Variants in ALK observed in about 807,000 individuals in gnomAD.
The protein encoded by ALK is ALK tyrosine kinase receptor.
A neutral mutation model predicts 163.1 loss-of-function variants in ALK; 74 were observed. The observed-to-expected ratio is 0.45, with a 90% confidence interval of 0.38 to 0.55. The LOEUF is 0.55. ALK is among the 20% of genes least tolerant of loss of function. ALK has a pLI of 0.00. For missense variants in ALK, 2,063 were observed against 2,105.3 expected (o/e 0.98, Z 0.39); for synonymous variants, 960 against 843.2 (o/e 1.14, Z -2.40).
chr2:29,635,278 TGC>T (rs1230676356), intron 3 of ALK, among the ~76,000 whole-genome samples: 2 of 152,204 alleles, frequency 1.3e-5, no homozygotes, highest in Non-Finnish European at 2.9e-5. Flanking sequence ...AACTAAATAT[TGC>T]CTTATAAGGA....
chr2:29,736,628 T>C (rs1679899541), intron 1 of ALK, among the ~76,000 whole-genome samples: 1 of 152,078 alleles, frequency 6.6e-6, no homozygotes, highest in African/African-American at 2.4e-5. Context: ...CACTCTTGAA[T>C]TTCTACTCCC....
intron 1 of ALK, among the ~76,000 whole-genome samples, chr2:29,748,460 A>C (rs967238936): frequency 2.0e-5 from 3 of 152,216 alleles, no homozygotes; most frequent in African/African-American, 7.2e-5. Context: ...GTTCTGATTA[A>C]GTGTCTGGGG....
At chr2:29,717,251 C>T (rs1679288647) in intron 2 of ALK, among the ~76,000 whole-genome samples, 1 of 150,828 alleles carries the variant, frequency 6.6e-6, no homozygotes, top group Admixed American at 6.6e-5. Flanking sequence ...AAGCAAGCTA[C>T]AGTCAAGAAG....
chr2:29,705,988 C>G (rs1440885912), intron 2 of ALK, among the ~76,000 whole-genome samples: 1 of 152,188 alleles, frequency 6.6e-6, no homozygotes, highest in Non-Finnish European at 1.5e-5. Context: ...GTGCTCCTCT[C>G]TCAATATTTC....
chr2:29,276,040 T>C (rs1046760997), intron 9 of ALK, among the ~76,000 whole-genome samples: 13 of 152,182 alleles, frequency 8.5e-5, no homozygotes, highest in Admixed American at 2.0e-4. Context: ...GTTCCACCAG[T>C]TCCCCTTGCT....
chr2:29,363,874 T>C (rs1245413019), intron 5 of ALK, among the ~76,000 whole-genome samples: 2 of 152,118 alleles, frequency 1.3e-5, no homozygotes, highest in Admixed American at 6.5e-5. Flanking sequence ...GAATATATAA[T>C]AATACTATAG....
intron 4 of ALK, among the ~76,000 whole-genome samples, chr2:29,451,508 G>T (rs1670819913): frequency 6.6e-6 from 1 of 151,746 alleles, no homozygotes; most frequent in Non-Finnish European, 1.5e-5. Context: ...TACACTACTT[G>T]CTATCCTCAT....
Position 29,531,899 on chromosome 2 carries a change from AT to A in ALK, c.1154+15del, listed in dbSNP as rs764924128. On this transcript the variant is annotated intron_variant, in intron 4 of 28. Transcript: ENST00000389048. ...ACCTGGTATAAAATCAATTTTGGAC[AT>A]GGAGAAGTACTTACCCATGCTTCCC... The A allele has an allele frequency of 5.6e-6, 9 of 1,613,818 alleles. No individual in the cohort carries two copies. The highest frequency in any genetic ancestry group is 1.6e-4 in the Middle Eastern group (1 of 6,080).
chr2:29,352,850 G>C (rs6727537), intron 5 of ALK, among the ~76,000 whole-genome samples: 1 of 152,176 alleles, frequency 6.6e-6, no homozygotes, highest in African/African-American at 2.4e-5. Context: ...AATTATGACA[G>C]TGAAAGAGAT....
At chr2:29,419,975 A>C (rs1341041000) in intron 4 of ALK, among the ~76,000 whole-genome samples, 1 of 151,218 alleles carries the variant, frequency 6.6e-6, no homozygotes, top group East Asian at 1.9e-4. Context: ...CCTGGGCAAC[A>C]TGGCAAAACC....
In ALK at chr2:29,250,081, G is replaced by A. The variant is rs10205294; in HGVS notation, c.2204+1024C>T. Among the ~76,000 whole-genome samples, 1,203 of 152,306 alleles carry A rather than the reference G, an allele frequency of 7.9e-3. 16 individuals carry two copies. Among genetic ancestry groups the A allele is most frequent in the African/African-American group, 0.026 (1,083 of 41,566 alleles). On this transcript the variant is annotated intron_variant, in intron 12 of 28. Transcript: ENST00000389048. ...GAGGCCCAGGATGTTGTGGATCCCGGAGGCTGCGGGGAGAGGAGGCGAGCT... is the reference window on the plus strand; with the variant it reads ...GAGGCCCAGGATGTTGTGGATCCCGAAGGCTGCGGGGAGAGGAGGCGAGCT...
At chr2:29,206,795 G>GTGTGTATGTA (rs1452060894) in intron 26 of ALK, among the ~76,000 whole-genome samples, 2 of 147,360 alleles carry the variant, frequency 1.4e-5, no homozygotes, top group Non-Finnish European at 2.9e-5. Context: ...GTGTGTGTGT[G>GTGTGTATGTA]TGTGTATGTA....
intron 3 of ALK, among the ~76,000 whole-genome samples, chr2:29,535,380 G>A (rs1308048347): frequency 6.6e-6 from 1 of 152,208 alleles, no homozygotes; most frequent in Non-Finnish European, 1.5e-5. Flanking sequence ...TCAACCAGCA[G>A]GGCTCACATT....
In ALK at chr2:29,556,733, T is replaced by C. The variant is rs112985434; in HGVS notation, c.953-24617A>G. On this transcript the variant is annotated intron_variant, in intron 3 of 28. Coordinates refer to ENST00000389048, the MANE Select transcript of ALK (RefSeq NM_004304.5). ...AAGTGACATTTAGCTTAGGGTTTTC[T>C]GATCAATATTCTACCTGCACAGGTA... Among the ~76,000 whole-genome samples, 405 of 152,330 alleles carry C rather than the reference T, an allele frequency of 2.7e-3. 5 individuals carry two copies. In the East Asian group the frequency reaches 0.03, roughly 11 times the overall value.
chr2:29,708,443 T>G (rs911308073), intron 2 of ALK, among the ~76,000 whole-genome samples: 1 of 152,160 alleles, frequency 6.6e-6, no homozygotes, highest in Non-Finnish European at 1.5e-5. Flanking sequence ...TCTAGTCCAG[T>G]GAATACCCTC....
At chr2:29,339,457 G>A (rs1377679516) in intron 5 of ALK, among the ~76,000 whole-genome samples, 1 of 152,170 alleles carries the variant, frequency 6.6e-6, no homozygotes, top group East Asian at 1.9e-4. Context: ...GGGTGGCTGC[G>A]GAGGGAGGCC....
chr2:29,783,196 C>A (rs778236321), intron 1 of ALK, among the ~76,000 whole-genome samples: 2 of 152,196 alleles, frequency 1.3e-5, no homozygotes, highest in Admixed American at 6.5e-5. Context: ...GTTCTTCCCC[C>A]CTTTGTGATG....
At chr2:29,574,065 T>TAA (rs5830124) in intron 3 of ALK, among the ~76,000 whole-genome samples, 3,038 of 149,760 alleles carry the variant, frequency 0.02, 62 homozygotes, top group South Asian at 0.062. Flanking sequence ...CTGAAAAAAA[T>TAA]AAAAAAAAAA....
At chr2:29,384,166 C>A (rs1362506577) in intron 4 of ALK, among the ~76,000 whole-genome samples, 3 of 152,150 alleles carry the variant, frequency 2.0e-5, no homozygotes, top group Non-Finnish European at 2.9e-5. Context: ...TAGCTAGTAT[C>A]ACAAGAAAGA....
Sources: gnomAD v4.1 joint callset for allele counts (sites outside exome capture counted in the v4.1 genomes callset) on GRCh38, gnomAD v4.1.1 for gene constraint, MANE v1.5 for transcripts, NCBI Gene and HGNC (gene_info 2026-07-23, HGNC 2026-07-21) for gene names.